The following SLC24A2 variants were observed in gnomAD, a reference collection of about 807,000 sequenced individuals.
SLC24A2 encodes solute carrier family 24 member 2.
SLC24A2 carries 36 observed loss-of-function variants against 62.0 expected under a neutral mutation model. That is an observed-to-expected ratio of 0.58 (90% CI 0.44 to 0.77). The LOEUF is 0.77. Among genes scored for constraint, SLC24A2 ranks in the 30% least tolerant of loss-of-function variants. SLC24A2 has a pLI of 0.00. For synonymous variants in SLC24A2, 358 were observed against 294.0 expected (o/e 1.22, Z -2.23); for missense variants, 846 against 817.9 (o/e 1.03, Z -0.42).
the SLC24A2 span, among the ~76,000 whole-genome samples, chr9:20,143,297 A>G: frequency 5.1e-4 from 77 of 152,282 alleles, no homozygotes; most frequent in Middle Eastern, 3.4e-3. Flanking sequence ...CCAACTCCCA[A>G]TCTTGGGCCA....
At chr9:19,961,776 G>C in the SLC24A2 span, among the ~76,000 whole-genome samples, 1 of 152,182 alleles carries the variant, frequency 6.6e-6, no homozygotes. Flanking sequence ...CTTACTCTGA[G>C]GGAAGGTAGC....
chr9:19,837,383 T>C, the SLC24A2 span, among the ~76,000 whole-genome samples: 2 of 129,498 alleles, frequency 1.5e-5, no homozygotes, highest in Non-Finnish European at 3.1e-5. Context: ...ACCCGGGAAG[T>C]GGAGCTTGCA....
At chr9:19,894,982 T>G in the SLC24A2 span, among the ~76,000 whole-genome samples, 4 of 152,234 alleles carry the variant, frequency 2.6e-5, no homozygotes, top group East Asian at 7.7e-4. Context: ...CTAAATGAAA[T>G]TGTATATTTC....
chr9:19,793,963 C>G (rs561914474), upstream of SLC24A2, among the ~76,000 whole-genome samples: 1 of 152,336 alleles, frequency 6.6e-6, no homozygotes, highest in Admixed American at 6.5e-5. Context: ...TCAGGCCTCT[C>G]AGCCTGGACT....
At chr9:19,842,346 C>T in the SLC24A2 span, among the ~76,000 whole-genome samples, 12 of 152,284 alleles carry the variant, frequency 7.9e-5, no homozygotes, top group African/African-American at 2.9e-4. Context: ...CCAGAAGCAG[C>T]TAGCTTAACT....
At chr9:20,298,672 C>T in the SLC24A2 span, among the ~76,000 whole-genome samples, 1 of 152,240 alleles carries the variant, frequency 6.6e-6, no homozygotes, top group Admixed American at 6.5e-5. Flanking sequence ...ATAGCAGCAG[C>T]CTGTGGGCTA....
the SLC24A2 span, among the ~76,000 whole-genome samples, chr9:20,298,136 A>G: frequency 6.6e-6 from 1 of 152,240 alleles, no homozygotes; most frequent in Non-Finnish European, 1.5e-5. Flanking sequence ...TGCCAGGCAC[A>G]GTCCCAGAGA....
the SLC24A2 span, among the ~76,000 whole-genome samples, chr9:19,950,299 C>T: frequency 2.0e-5 from 3 of 152,034 alleles, no homozygotes; most frequent in African/African-American, 7.2e-5. Flanking sequence ...GAAGAGTTTG[C>T]TATTATTTTT....
the SLC24A2 span, among the ~76,000 whole-genome samples, chr9:20,138,912 G>A: frequency 1.3e-5 from 2 of 152,248 alleles, no homozygotes; most frequent in South Asian, 2.1e-4. Flanking sequence ...CAAAGTCTCT[G>A]CCTTTCTATT....
the SLC24A2 span, among the ~76,000 whole-genome samples, chr9:19,952,209 G>C: frequency 6.6e-6 from 1 of 151,968 alleles, no homozygotes; most frequent in Non-Finnish European, 1.5e-5. Context: ...GTCTTCAGTA[G>C]CTTTAGATTC....
chr9:19,673,444 C>CATGTGT lies in SLC24A2; in HGVS notation c.931-51146_931-51145insACACAT, dbSNP rs147522785. On this transcript the variant is annotated intron_variant, in intron 2 of 10. Transcript: ENST00000341998. The stretch of plus-strand genomic sequence containing the variant: ...GTTCTTGTGTGTGTATGTGTGTGTG[C>CATGTGT]GTGTGTGTGTGTGTGTGTGTTTGAG... Among the ~76,000 whole-genome samples, 12 of 129,882 alleles carry CATGTGT rather than the reference C, an allele frequency of 9.2e-5. 1 individual carries two copies. The highest frequency in any genetic ancestry group is 2.2e-4 in the Admixed American group (3 of 13,950). The allele number at this position is 129,882 out of a possible 152,430, so 85.2% of individuals were successfully genotyped here.
chr9:20,160,698 T>G, the SLC24A2 span, among the ~76,000 whole-genome samples: 2 of 151,254 alleles, frequency 1.3e-5, no homozygotes, highest in Middle Eastern at 3.4e-3. Context: ...ATTACAGAAT[T>G]TCCGAAAAAT....
chr9:20,123,324 G>C, the SLC24A2 span, among the ~76,000 whole-genome samples: 1 of 152,114 alleles, frequency 6.6e-6, no homozygotes, highest in South Asian at 2.1e-4. Flanking sequence ...TGAAGGTTAG[G>C]ATTTCAACAT....
At chr9:19,782,986 C>A (rs967503703) in intron 2 of SLC24A2, among the ~76,000 whole-genome samples, 1 of 151,954 alleles carries the variant, frequency 6.6e-6, no homozygotes, top group Non-Finnish European at 1.5e-5. Context: ...AGTAGCATCA[C>A]TAAAAGAAAT....
At chr9:20,149,248 T>C in the SLC24A2 span, among the ~76,000 whole-genome samples, 2 of 152,064 alleles carry the variant, frequency 1.3e-5, no homozygotes, top group Non-Finnish European at 2.9e-5. Flanking sequence ...TCAGTCCAGT[T>C]TGGCCGTTGG....
At chr9:20,183,017 G>A in the SLC24A2 span, among the ~76,000 whole-genome samples, 8 of 152,092 alleles carry the variant, frequency 5.3e-5, no homozygotes, top group Admixed American at 4.6e-4. Context: ...GATAAGGCAG[G>A]ATTTTTTTTA....
chr9:19,952,794 T>C, the SLC24A2 span, among the ~76,000 whole-genome samples: 1 of 151,864 alleles, frequency 6.6e-6, no homozygotes, highest in Admixed American at 6.6e-5. Context: ...CACCTCTGTT[T>C]TCTGAAAGAA....
the SLC24A2 span, among the ~76,000 whole-genome samples, chr9:20,243,135 T>A: frequency 1.3e-5 from 2 of 152,182 alleles, no homozygotes; most frequent in African/African-American, 4.8e-5. Flanking sequence ...CCCCATATTG[T>A]GGGTGTTTTT....
chr9:19,548,874 G>A (rs951338190), intron 8 of SLC24A2, among the ~76,000 whole-genome samples: 1 of 152,192 alleles, frequency 6.6e-6, no homozygotes, highest in East Asian at 1.9e-4. Context: ...ACAGAAATGA[G>A]ACTCTCACGA....
Sources: gnomAD v4.1 joint callset for allele counts (sites outside exome capture counted in the v4.1 genomes callset) on GRCh38, gnomAD v4.1.1 for gene constraint, MANE v1.5 for transcripts, NCBI Gene and HGNC (gene_info 2026-07-23, HGNC 2026-07-21) for gene names.